AGTPBP1: variants seen among roughly 807,000 people sequenced by gnomAD.
AGTPBP1 encodes the protein cytosolic carboxypeptidase 1.
In AGTPBP1, 70 loss-of-function variants were observed where a neutral mutation model predicts 143.9. The observed-to-expected ratio is 0.49, with a 90% CI of 0.40 to 0.59. The LOEUF (loss-of-function observed/expected upper bound fraction) is 0.59. Ranked by LOEUF, AGTPBP1 falls within the 20% of genes least tolerant of loss-of-function variation. AGTPBP1 has a pLI of 0.00. For synonymous variants in AGTPBP1, 463 were observed against 500.2 expected, an observed-to-expected ratio of 0.93 and a Z score of 0.99; for missense variants, 1,229 against 1,464.5, an observed-to-expected ratio of 0.84 and a Z score of 2.62.
intron 25 of AGTPBP1, among the ~76,000 whole-genome samples, chr9:85,559,320 G>GTT (rs1260510560): frequency 6.6e-6 from 1 of 151,794 alleles, no homozygotes; most frequent in Non-Finnish European, 1.5e-5. Context: ...ATAACATAAT[G>GTT]AATAGTCGAC....
At chr9:85,646,446 G>A in intron 11 of AGTPBP1, 28 bp from the exon 12 acceptor site, 3 of 1,556,458 alleles carry the variant, frequency 1.9e-6, no homozygotes, top group Non-Finnish European at 2.7e-6. Context: ...CTATAAGTAG[G>A]TCAGAGGTAA....
At chr9:85,620,997 T>C (rs1291314999) in intron 15 of AGTPBP1, among the ~76,000 whole-genome samples, 1 of 152,182 alleles carries the variant, frequency 6.6e-6, no homozygotes, top group African/African-American at 2.4e-5. Flanking sequence ...TAGAGTTAAG[T>C]AGGTAAACGT....
rs55882437 is a variant in AGTPBP1, at chr9:85,572,004, G to GTTT, written c.3503+3308_3503+3310dup. 3.8e-3 allele frequency among the ~76,000 whole-genome samples: 166 copies of GTTT among 43,414 alleles called. 19 individuals carry two copies. The highest frequency in any genetic ancestry group is 6.0e-3 in the Non-Finnish European group (120 of 19,936). 28.5% of individuals were successfully genotyped at this position (43,414 alleles called of 152,430 possible). A position where few individuals can be genotyped will look rare whatever the true frequency, so the allele number is the denominator to read the frequency against. ...TGGCCATTATTAGTTGTTTGTGTGTGTTTTTTTTTTTTTTTTTTTTTTTTT... is the reference window on the plus strand; with the variant it reads ...TGGCCATTATTAGTTGTTTGTGTGTGTTTTTTTTTTTTTTTTTTTTTTTTTTTT... On this transcript the variant is annotated intron_variant, in intron 25 of 25. Transcript: ENST00000357081.
chr9:85,724,742 T>G (rs1362109477), intron 1 of AGTPBP1, among the ~76,000 whole-genome samples: 1 of 152,218 alleles, frequency 6.6e-6, no homozygotes, highest in Non-Finnish European at 1.5e-5. Context: ...ATTATCTATC[T>G]CTTTCCACTG....
intron 2 of AGTPBP1, among the ~76,000 whole-genome samples, chr9:85,693,489 TTGGGAG>T (rs1214107195): frequency 6.6e-6 from 1 of 152,016 alleles, no homozygotes; most frequent in African/African-American, 2.4e-5. Context: ...TCCCAGCTAC[TTGGGAG>T]GCTGAGACAG....
At chr9:85,725,370 A>G (rs1838402100) in intron 1 of AGTPBP1, among the ~76,000 whole-genome samples, 1 of 152,170 alleles carries the variant, frequency 6.6e-6, no homozygotes. Context: ...TAAATGAACA[A>G]CCTCATTAAC....
chr9:85,633,439 T>C (rs1049072191), intron 13 of AGTPBP1, 65 bp from the exon 14 acceptor site: 3 of 1,226,014 alleles, frequency 2.4e-6, no homozygotes, highest in African/African-American at 3.1e-5. Context: ...ACAAAACTAA[T>C]ACATTCATGT....
chr9:85,648,381 A>G (rs1467883617), intron 11 of AGTPBP1, among the ~76,000 whole-genome samples: 1 of 152,232 alleles, frequency 6.6e-6, no homozygotes, highest in East Asian at 1.9e-4. Context: ...CTTAGATAGC[A>G]AAAAATAAAT....
chr9:85,642,474 A>T (rs1463313551), intron 13 of AGTPBP1, among the ~76,000 whole-genome samples: 1 of 151,950 alleles, frequency 6.6e-6, no homozygotes, highest in Non-Finnish European at 1.5e-5. Context: ...GACTGCAGGA[A>T]CGTGCCACCA....
the AGTPBP1 span, chr9:85,788,032 C>G: frequency 6.6e-6 from 1 of 152,058 alleles, no homozygotes; most frequent in African/African-American, 2.4e-5. Flanking sequence ...TTGCTAAAAA[C>G]CAGTTCCTTT....
the AGTPBP1 span, among the ~76,000 whole-genome samples, chr9:85,751,481 T>C: frequency 4.7e-4 from 72 of 152,320 alleles, no homozygotes; most frequent in African/African-American, 1.7e-3. Context: ...TGCGTACTTA[T>C]CCATCATGGA....
At chr9:85,606,973 T>TAA (rs79421231) in intron 17 of AGTPBP1, among the ~76,000 whole-genome samples, 2,518 of 152,002 alleles carry the variant, frequency 0.017, 30 homozygotes, top group Middle Eastern at 0.054. Context: ...AGAAAAGAAA[T>TAA]GTTTTAATGT....
intron 13 of AGTPBP1, 35 bp downstream of exon 13, chr9:85,642,792 A>G: frequency 6.7e-7 from 1 of 1,496,242 alleles, no homozygotes; most frequent in Non-Finnish European, 9.1e-7. Context: ...TTTTTATTAA[A>G]ATCAGTTAAG....
intron 14 of AGTPBP1, among the ~76,000 whole-genome samples, chr9:85,631,847 A>G (rs1175353069): frequency 6.6e-6 from 1 of 152,150 alleles, no homozygotes; most frequent in Non-Finnish European, 1.5e-5. Context: ...AAATGCACCA[A>G]AAAAGGTATT....
At chr9:85,764,398 T>C in the AGTPBP1 span, among the ~76,000 whole-genome samples, 140,875 of 149,254 alleles carry the variant, frequency 0.94, 66,640 homozygotes, top group Middle Eastern at 0.98. Flanking sequence ...CACATGGTGA[T>C]GAGCGCCTGT....
At chr9:85,653,576 A>T (rs996412410) in intron 11 of AGTPBP1, among the ~76,000 whole-genome samples, 2 of 152,184 alleles carry the variant, frequency 1.3e-5, no homozygotes, top group African/African-American at 4.8e-5. Flanking sequence ...AAGACTCACC[A>T]GCTTTCCACC....
intron 6 of AGTPBP1, among the ~76,000 whole-genome samples, chr9:85,673,964 CA>C (rs151279371): frequency 6.7e-6 from 1 of 149,752 alleles, no homozygotes; most frequent in Non-Finnish European, 1.5e-5. Context: ...ATTAAAAATA[CA>C]AAAAAAAATT....
At chr9:85,686,801 C>T (rs1043635911) in intron 3 of AGTPBP1, among the ~76,000 whole-genome samples, 2 of 151,888 alleles carry the variant, frequency 1.3e-5, no homozygotes, top group Admixed American at 1.3e-4. Flanking sequence ...GAAAAGAACT[C>T]CAATTTCTTT....
chr9:85,792,542 T>C, the AGTPBP1 span, among the ~76,000 whole-genome samples: 1 of 152,218 alleles, frequency 6.6e-6, no homozygotes, highest in Non-Finnish European at 1.5e-5. Flanking sequence ...CACCAGCTGT[T>C]AGACATGACT....
Sources: gnomAD v4.1 joint callset for allele counts (sites outside exome capture counted in the v4.1 genomes callset) on GRCh38, gnomAD v4.1.1 for gene constraint, MANE v1.5 for transcripts, NCBI Gene and HGNC (gene_info 2026-07-23, HGNC 2026-07-21) for gene names.